GPC6: variants seen among roughly 807,000 people sequenced by gnomAD.
GPC6 encodes the protein glypican 6.
GPC6 carries 14 observed loss-of-function variants against 55.2 expected under a neutral mutation model. That is an observed-to-expected ratio of 0.25 (90% CI 0.17 to 0.40). The LOEUF (loss-of-function observed/expected upper bound fraction) is 0.40. GPC6 is among the 10% of genes least tolerant of loss of function. The pLI, the probability that GPC6 is intolerant of heterozygous loss-of-function variation, is 1.00. For missense variants in GPC6, 641 were observed against 708.5 expected, an observed-to-expected ratio of 0.90 and a Z score of 1.08; for synonymous variants, 278 against 259.6, an observed-to-expected ratio of 1.07 and a Z score of -0.68.
chr13:93,820,018 T>C (rs1333106557), intron 2 of GPC6, among the ~76,000 whole-genome samples: 1 of 152,182 alleles, frequency 6.6e-6, no homozygotes, highest in Non-Finnish European at 1.5e-5. Flanking sequence ...TCAGGAAACT[T>C]TCATTTTTGC....
chr13:94,042,878 T>TC (rs905376660), intron 4 of GPC6, among the ~76,000 whole-genome samples: 5 of 151,834 alleles, frequency 3.3e-5, no homozygotes, highest in African/African-American at 1.2e-4. Context: ...TTGGAATTCT[T>TC]CCCCCGAAAA....
intron 3 of GPC6, among the ~76,000 whole-genome samples, chr13:93,840,653 T>A (rs569936906): frequency 7.9e-5 from 12 of 152,278 alleles, no homozygotes; most frequent in African/African-American, 2.9e-4. Context: ...TCTGGGTATG[T>A]ACAACCATGA....
intron 2 of GPC6, among the ~76,000 whole-genome samples, chr13:93,571,846 C>T (rs1218197995): frequency 6.6e-6 from 1 of 151,984 alleles, no homozygotes; most frequent in African/African-American, 2.4e-5. Flanking sequence ...GGTGAACGAG[C>T]ACAATGGTCC....
At chr13:93,982,551 C>G (rs1465363863) in intron 3 of GPC6, among the ~76,000 whole-genome samples, 1 of 152,202 alleles carries the variant, frequency 6.6e-6, no homozygotes, top group Non-Finnish European at 1.5e-5. Context: ...ACTTAGGTAT[C>G]TCTCTGTCAA....
chr13:93,373,785 G>C (rs1379365234), intron 1 of GPC6, among the ~76,000 whole-genome samples: 1 of 152,128 alleles, frequency 6.6e-6, no homozygotes, highest in Non-Finnish European at 1.5e-5. Context: ...TCTGAGGTCA[G>C]TTTTATGTGT....
chr13:93,856,234 C>T (rs1429450131), intron 3 of GPC6, among the ~76,000 whole-genome samples: 2 of 151,480 alleles, frequency 1.3e-5, no homozygotes, highest in Non-Finnish European at 1.5e-5. Context: ...AATTGCCTTC[C>T]CTATAGGTCT....
intron 2 of GPC6, among the ~76,000 whole-genome samples, chr13:93,672,387 A>T (rs1415860440): frequency 1.3e-5 from 2 of 152,040 alleles, no homozygotes; most frequent in African/African-American, 4.8e-5. Context: ...CACGGATATT[A>T]GTTATCTTGC....
chr13:94,124,993 A>C (rs1269714405), intron 4 of GPC6, among the ~76,000 whole-genome samples: 1 of 152,090 alleles, frequency 6.6e-6, no homozygotes. Flanking sequence ...AAAGGTAAAA[A>C]ATAATTTTTT....
At chr13:94,078,848 C>A (rs1576256) in intron 4 of GPC6, among the ~76,000 whole-genome samples, 40,726 of 151,696 alleles carry the variant, frequency 0.27, 6,348 homozygotes, top group Middle Eastern at 0.41. Flanking sequence ...CCTTCTCAAA[C>A]CCTTTTAAAA....
At chr13:93,799,859 G>C (rs1255216304) in intron 2 of GPC6, among the ~76,000 whole-genome samples, 1 of 152,140 alleles carries the variant, frequency 6.6e-6, no homozygotes, top group Non-Finnish European at 1.5e-5. Flanking sequence ...AGATTCAGTA[G>C]GCTGTCTTAA....
rs150593563 is a variant in GPC6, at chr13:93,869,694, A to G, written c.711+39149A>G. Reference sequence around the variant, plus strand: ...CCATGCATCTGAATATTTCAAATACAGGGCAATTTTAAATGGTGAACCAAT... The same window carrying G: ...CCATGCATCTGAATATTTCAAATACGGGGCAATTTTAAATGGTGAACCAAT... On this transcript the variant is annotated intron_variant, in intron 3 of 8. Transcript: ENST00000377047. Among the ~76,000 whole-genome samples the G allele has an allele frequency of 1.0e-3, 152 of 151,966 alleles. 3 individuals are homozygous for G. In the East Asian group the frequency reaches 0.028, roughly 28 times the overall value.
At chr13:93,841,697 T>TA (rs953266444) in intron 3 of GPC6, among the ~76,000 whole-genome samples, 4 of 152,210 alleles carry the variant, frequency 2.6e-5, no homozygotes, top group African/African-American at 9.6e-5. Context: ...TTAAGTGGCT[T>TA]GCATACACAG....
At chr13:94,206,637 T>C (rs1040761090) in intron 4 of GPC6, among the ~76,000 whole-genome samples, 1 of 152,006 alleles carries the variant, frequency 6.6e-6, no homozygotes, top group Non-Finnish European at 1.5e-5. Flanking sequence ...GCAGATCGCT[T>C]GAGTCCAGGA....
chr13:93,549,645 C>A (rs1384691730), intron 2 of GPC6, among the ~76,000 whole-genome samples: 1 of 152,250 alleles, frequency 6.6e-6, no homozygotes, highest in South Asian at 2.1e-4. Flanking sequence ...GATGTGCTGG[C>A]GTCTTGTGGT....
chr13:93,748,927 C>T (rs762057588), intron 2 of GPC6, among the ~76,000 whole-genome samples: 23 of 152,066 alleles, frequency 1.5e-4, no homozygotes, highest in Admixed American at 2.6e-4. Flanking sequence ...TAATAGACTA[C>T]GCTGTCTTCT....
At chr13:93,741,276 G>A (rs1010191874) in intron 2 of GPC6, among the ~76,000 whole-genome samples, 5 of 151,258 alleles carry the variant, frequency 3.3e-5, no homozygotes, top group Admixed American at 6.6e-5. Flanking sequence ...CACCACACCC[G>A]GCTAATATTT....
chr13:93,474,953 G>A (rs541297830), intron 1 of GPC6, among the ~76,000 whole-genome samples: 1 of 152,328 alleles, frequency 6.6e-6, no homozygotes, highest in South Asian at 2.1e-4. Flanking sequence ...CTGGAGGTCA[G>A]AACTTCAACA....
chr13:94,369,699 T>C (rs898536212), intron 6 of GPC6, among the ~76,000 whole-genome samples: 1 of 152,156 alleles, frequency 6.6e-6, no homozygotes, highest in East Asian at 1.9e-4. Flanking sequence ...ACAATAGTAG[T>C]CTGGAATCCT....
Position 93,971,035 on chromosome 13 carries a change from C to A in GPC6, c.712-56694C>A, listed in dbSNP as rs188713922. ...AAAGCAAATTAGATTTCTCATAAGG[C>A]AACTTCTTTGAAAACATTTTTGCTA... On this transcript the variant is annotated intron_variant, in intron 3 of 8. Transcript: ENST00000377047. 3.4e-3 allele frequency among the ~76,000 whole-genome samples: 514 copies of A among 152,260 alleles called. 6 individuals carry two copies. Among genetic ancestry groups the A allele is most frequent in the African/African-American group, 0.012 (498 of 41,548 alleles).
Sources: allele counts gnomAD v4.1 joint callset (sites outside exome capture counted in the v4.1 genomes callset), GRCh38; gene constraint gnomAD v4.1.1; transcripts MANE v1.5; gene names NCBI Gene and HGNC (gene_info 2026-07-23, HGNC 2026-07-21).